Variants in GLIS3 observed in about 807,000 individuals in gnomAD.
GLIS3 encodes the protein GLIS family zinc finger 3, also known as zinc finger protein GLIS3.
In GLIS3, 53 loss-of-function variants were observed where a neutral mutation model predicts 78.6. That is an observed-to-expected ratio of 0.67 (90% CI 0.54 to 0.85). The LOEUF is 0.85. Ranked by LOEUF, GLIS3 falls within the 40% of genes least tolerant of loss-of-function variation. The pLI is 0.00. For synonymous variants in GLIS3, 684 were observed against 509.9 expected (o/e 1.34, Z -4.60); for missense variants, 1,703 against 1,231.1 (o/e 1.38, Z -5.74).
intron 2 of GLIS3, among the ~76,000 whole-genome samples, chr9:4,234,557 G>T (rs1018092515): frequency 2.0e-5 from 3 of 152,120 alleles, no homozygotes; most frequent in Non-Finnish European, 4.4e-5. Context: ...ACTGTTCATG[G>T]ATCTTCGTAA....
At chr9:4,002,508 G>A (rs1025126660) in intron 4 of GLIS3, among the ~76,000 whole-genome samples, 4 of 152,136 alleles carry the variant, frequency 2.6e-5, no homozygotes, top group Admixed American at 6.5e-5. Context: ...ATAATACTCA[G>A]TTCTCTCATA....
intron 2 of GLIS3, among the ~76,000 whole-genome samples, chr9:4,226,622 C>A (rs932255433): frequency 1.3e-5 from 2 of 152,136 alleles, no homozygotes; most frequent in African/African-American, 4.8e-5. Flanking sequence ...AACTCTATAG[C>A]ATTGCTTCAA....
upstream of GLIS3, among the ~76,000 whole-genome samples, chr9:4,301,942 C>T (rs568552308): frequency 1.3e-5 from 2 of 151,762 alleles, no homozygotes; most frequent in South Asian, 4.2e-4. Context: ...CTCTAACATT[C>T]CTAAAATATT....
chr9:4,300,356 G>C (rs1253015410), upstream of GLIS3, among the ~76,000 whole-genome samples: 1 of 125,076 alleles, frequency 8.0e-6, no homozygotes, highest in Non-Finnish European at 1.5e-5. Context: ...ACATGAAAAA[G>C]TGTTAGTGTT....
chr9:4,045,777 T>C (rs558759860), intron 4 of GLIS3, among the ~76,000 whole-genome samples: 2 of 152,300 alleles, frequency 1.3e-5, no homozygotes, highest in East Asian at 1.9e-4. Context: ...CTAGATATTA[T>C]GAGTCCTTGC....
At chr9:4,488,802 G>T in the GLIS3 span, among the ~76,000 whole-genome samples, 479 of 152,268 alleles carry the variant, frequency 3.1e-3, 3 homozygotes, top group African/African-American at 0.011. Context: ...ACAGGTGTGA[G>T]CCATCGCGCC....
chr9:4,007,439 T>C (rs16920354), intron 4 of GLIS3, among the ~76,000 whole-genome samples: 5,830 of 152,182 alleles, frequency 0.038, 381 homozygotes, highest in African/African-American at 0.13. Flanking sequence ...ACATCCCTCT[T>C]TCTGAATGTC....
At chr9:4,136,174 G>A (rs537481624) in intron 2 of GLIS3, among the ~76,000 whole-genome samples, 2 of 152,226 alleles carry the variant, frequency 1.3e-5, no homozygotes, top group African/African-American at 4.8e-5. Flanking sequence ...CTACCTCCAT[G>A]GCGCTCACAA....
the GLIS3 span, among the ~76,000 whole-genome samples, chr9:4,388,328 T>A: frequency 6.6e-6 from 1 of 152,044 alleles, no homozygotes; most frequent in African/African-American, 2.4e-5. Flanking sequence ...AAGGATGCCA[T>A]CCTCTTCTTG....
At chr9:4,113,184 C>T (rs551802799) in intron 4 of GLIS3, among the ~76,000 whole-genome samples, 8 of 151,616 alleles carry the variant, frequency 5.3e-5, no homozygotes, top group South Asian at 2.1e-4. Context: ...TATATATATG[C>T]GTATTTTAAT....
intron 4 of GLIS3, among the ~76,000 whole-genome samples, chr9:3,993,077 T>C (rs989811679): frequency 6.6e-6 from 1 of 152,136 alleles, no homozygotes; most frequent in African/African-American, 2.4e-5. Flanking sequence ...AGCTACAGGA[T>C]GGTGGGGAAA....
intron 2 of GLIS3, among the ~76,000 whole-genome samples, chr9:4,319,463 T>A (rs551105630): frequency 8.5e-5 from 13 of 152,324 alleles, no homozygotes; most frequent in African/African-American, 3.1e-4. Flanking sequence ...TTCTAAGAAA[T>A]GATTTTAAAC....
chr9:3,916,150 A>G (rs568545666), intron 6 of GLIS3, among the ~76,000 whole-genome samples: 1 of 152,360 alleles, frequency 6.6e-6, no homozygotes, highest in Non-Finnish European at 1.5e-5. Flanking sequence ...GCTTTTTAGC[A>G]GAAACCCAAG....
intron 4 of GLIS3, among the ~76,000 whole-genome samples, chr9:4,061,881 A>G (rs1036140598): frequency 6.6e-6 from 1 of 152,340 alleles, no homozygotes; most frequent in South Asian, 2.1e-4. Flanking sequence ...CTCCTGGTTT[A>G]TCAGTGTTCA....
the GLIS3 span, among the ~76,000 whole-genome samples, chr9:4,465,171 T>G: frequency 2.0e-5 from 3 of 152,236 alleles, no homozygotes; most frequent in South Asian, 6.2e-4. Flanking sequence ...TTCAGCACAT[T>G]TTTCAGTTCA....
chr9:3,978,354 G>A (rs1208200257), intron 4 of GLIS3, among the ~76,000 whole-genome samples: 1 of 151,816 alleles, frequency 6.6e-6, no homozygotes, highest in Non-Finnish European at 1.5e-5. Flanking sequence ...TACTATATTG[G>A]TATATATCTT....
chr9:3,944,633 G>C (rs191117474), intron 4 of GLIS3, among the ~76,000 whole-genome samples: 1 of 152,146 alleles, frequency 6.6e-6, no homozygotes, highest in African/African-American at 2.4e-5. Context: ...ATATCCATAA[G>C]AGCATGTATA....
chr9:3,887,608 G>A (rs887401223), intron 7 of GLIS3, among the ~76,000 whole-genome samples: 4 of 152,158 alleles, frequency 2.6e-5, no homozygotes, highest in Non-Finnish European at 5.9e-5. Flanking sequence ...TCCACATCAT[G>A]CAGCTGGATT....
chr9:4,381,621 C>A, the GLIS3 span, among the ~76,000 whole-genome samples: 1 of 150,922 alleles, frequency 6.6e-6, no homozygotes, highest in African/African-American at 2.5e-5. Context: ...CTGGGGCATG[C>A]CTGTTTGTCT....
Sources: allele counts gnomAD v4.1 joint callset (sites outside exome capture counted in the v4.1 genomes callset), GRCh38; gene constraint gnomAD v4.1.1; transcripts MANE v1.5; gene names NCBI Gene and HGNC (gene_info 2026-07-23, HGNC 2026-07-21).